The following INPP4B variants were observed in gnomAD, a reference collection of about 807,000 sequenced individuals.
INPP4B encodes the protein inositol polyphosphate-4-phosphatase type II B.
A neutral mutation model predicts 122.5 loss-of-function variants in INPP4B; 55 were observed. That is an observed-to-expected ratio of 0.45 (90% CI 0.36 to 0.56). The LOEUF is 0.56. Among genes scored for constraint, INPP4B ranks in the 20% least tolerant of loss-of-function variants. The pLI, the probability that INPP4B is intolerant of heterozygous loss-of-function variation, is 0.00. For synonymous variants in INPP4B, 403 were observed against 388.7 expected, an observed-to-expected ratio of 1.04 and a Z score of -0.43; for missense variants, 1,000 against 1,097.7, an observed-to-expected ratio of 0.91 and a Z score of 1.26.
chr4:142,444,512 T>C (rs1812483537), intron 3 of INPP4B, among the ~76,000 whole-genome samples: 1 of 151,918 alleles, frequency 6.6e-6, no homozygotes, highest in Non-Finnish European at 1.5e-5. Flanking sequence ...AAACAACAGA[T>C]GCTGGAGAGG....
rs141257598 is a variant in INPP4B at position 142,476,967 on chromosome 4, C to G, written c.-190-14241G>C. On this transcript the variant is annotated intron_variant, in intron 2 of 25. Transcript: ENST00000262992. Reference sequence around the variant, plus strand: ...ACATTTGACCAAATGGGGCTAATACCATCTAGAATACTCTCCATCCCAAAA... The same window carrying G: ...ACATTTGACCAAATGGGGCTAATACGATCTAGAATACTCTCCATCCCAAAA... 4.3e-3 allele frequency among the ~76,000 whole-genome samples: 657 copies of G among 152,194 alleles called. 5 individuals are homozygous for G. The highest frequency in any genetic ancestry group is 0.015 in the African/African-American group (631 of 41,544).
chr4:142,081,265 T>C (rs933808309), intron 25 of INPP4B, among the ~76,000 whole-genome samples: 6 of 152,206 alleles, frequency 3.9e-5, no homozygotes, highest in African/African-American at 1.2e-4. Context: ...TGCTTCCTAG[T>C]GTGCTTCTGA....
intron 1 of INPP4B, among the ~76,000 whole-genome samples, chr4:142,740,386 G>A (rs1051081765): frequency 5.3e-5 from 8 of 151,980 alleles, no homozygotes; most frequent in African/African-American, 9.7e-5. Flanking sequence ...ATTCTAAAAC[G>A]CTTTTCTGCT....
rs1760054193 is a variant in INPP4B, at chr4:142,298,920, A to G, written c.503+6538T>C. Among the ~76,000 whole-genome samples the G allele has an allele frequency of 5.9e-5, 9 of 152,040 alleles. No individual in the cohort carries two copies. In the South Asian group the frequency reaches 1.9e-3, roughly 31 times the overall value. The stretch of plus-strand genomic sequence containing the variant: ...AGAAGATTGAGGCGAACAGAAGATT[A>G]TGATAAAACATTTGAAATTCTTAAC... On this transcript the variant is annotated intron_variant, in intron 9 of 25. Transcript: ENST00000262992.
At chr4:142,498,460 AAAG>A (rs1219996044) in intron 2 of INPP4B, among the ~76,000 whole-genome samples, 11 of 152,094 alleles carry the variant, frequency 7.2e-5, no homozygotes, top group Admixed American at 6.6e-5. Flanking sequence ...CTGTCATTAC[AAAG>A]AATCTTCCTA....
chr4:142,130,158 C>T (rs1280734669), intron 18 of INPP4B, among the ~76,000 whole-genome samples: 2 of 152,104 alleles, frequency 1.3e-5, no homozygotes, highest in African/African-American at 4.8e-5. Context: ...TAAAGGAAGT[C>T]ACATGTGGAA....
intron 1 of INPP4B, among the ~76,000 whole-genome samples, chr4:142,797,234 T>C (rs956386731): frequency 6.6e-6 from 1 of 152,004 alleles, no homozygotes; most frequent in Non-Finnish European, 1.5e-5. Context: ...ACATGTCTAA[T>C]GTCACACAGT....
intron 2 of INPP4B, among the ~76,000 whole-genome samples, chr4:142,539,082 T>TTTTA (rs755826490): frequency 6.7e-6 from 1 of 148,752 alleles, no homozygotes; most frequent in African/African-American, 2.5e-5. Context: ...AATTGTTATT[T>TTTTA]TATATATATA....
intron 9 of INPP4B, among the ~76,000 whole-genome samples, chr4:142,272,678 A>G (rs1746451711): frequency 1.3e-5 from 2 of 152,028 alleles, no homozygotes; most frequent in South Asian, 4.1e-4. Flanking sequence ...TCATTTGAAT[A>G]TGACACAATA....
chr4:142,214,777 T>G (rs1218450096), intron 12 of INPP4B, among the ~76,000 whole-genome samples: 1 of 152,150 alleles, frequency 6.6e-6, no homozygotes, highest in Non-Finnish European at 1.5e-5. Context: ...GGACTCGAAC[T>G]CCTGACCTCA....
chr4:142,643,890 A>G (rs920586338), intron 2 of INPP4B, among the ~76,000 whole-genome samples: 1 of 152,190 alleles, frequency 6.6e-6, no homozygotes, highest in African/African-American at 2.4e-5. Context: ...GTGGAAAGCT[A>G]CATCAACTCC....
At chr4:142,505,228 G>C (rs1353697673) in intron 2 of INPP4B, among the ~76,000 whole-genome samples, 1 of 147,974 alleles carries the variant, frequency 6.8e-6, no homozygotes, top group East Asian at 2.0e-4. Flanking sequence ...GACAGAGAGA[G>C]ACTCTGTCTA....
At chr4:142,176,510 T>C (rs567975408) in intron 15 of INPP4B, among the ~76,000 whole-genome samples, 118 of 152,314 alleles carry the variant, frequency 7.7e-4, no homozygotes, top group African/African-American at 2.7e-3. Flanking sequence ...TGAATATTAC[T>C]ACTTTCATTA....
chr4:142,332,815 T>A (rs1775068467), intron 7 of INPP4B, among the ~76,000 whole-genome samples: 1 of 145,224 alleles, frequency 6.9e-6, no homozygotes, highest in Admixed American at 6.9e-5. Flanking sequence ...CCAACCTGGC[T>A]AACAAGGCGA....
At chr4:142,743,572 A>G (rs1228508538) in intron 1 of INPP4B, among the ~76,000 whole-genome samples, 1 of 151,956 alleles carries the variant, frequency 6.6e-6, no homozygotes, top group African/African-American at 2.4e-5. Context: ...ATTGGAGTTC[A>G]TGTCACCCAG....
At chr4:142,353,494 C>A (rs1782593248) in intron 7 of INPP4B, among the ~76,000 whole-genome samples, 1 of 152,028 alleles carries the variant, frequency 6.6e-6, no homozygotes, top group Non-Finnish European at 1.5e-5. Context: ...GCAATAACTT[C>A]TCTTCTCAGA....
intron 18 of INPP4B, among the ~76,000 whole-genome samples, chr4:142,142,306 A>G (rs1359233399): frequency 1.3e-5 from 2 of 152,140 alleles, no homozygotes; most frequent in South Asian, 2.1e-4. Context: ...TTACAATATG[A>G]TATTTTCACC....
At chr4:142,582,432 A>G (rs1735304586) in intron 2 of INPP4B, among the ~76,000 whole-genome samples, 1 of 152,122 alleles carries the variant, frequency 6.6e-6, no homozygotes, top group Admixed American at 6.6e-5. Context: ...CTAGAGGTCT[A>G]TGAAACTTTC....
intron 25 of INPP4B, among the ~76,000 whole-genome samples, chr4:142,042,839 G>A (rs1436222879): frequency 2.6e-5 from 4 of 152,126 alleles, no homozygotes; most frequent in Admixed American, 6.5e-5. Context: ...GGGATTACAG[G>A]CATGAGCCAC....
Sources: allele counts gnomAD v4.1 joint callset (sites outside exome capture counted in the v4.1 genomes callset), GRCh38; gene constraint gnomAD v4.1.1; transcripts MANE v1.5; gene names NCBI Gene and HGNC (gene_info 2026-07-23, HGNC 2026-07-21).